Variants in GAREM2 observed in about 807,000 individuals in gnomAD.
GAREM2 encodes GRB2-associated and regulator of MAPK protein 2.
A neutral mutation model predicts 55.6 loss-of-function variants in GAREM2; 30 were observed. The ratio of observed to expected loss-of-function variants is 0.54; its 90% CI spans 0.40 to 0.73. The LOEUF (loss-of-function observed/expected upper bound fraction) is 0.73. Ranked by LOEUF, GAREM2 falls within the 30% of genes least tolerant of loss-of-function variation. GAREM2 has a pLI of 0.00. For synonymous variants in GAREM2, 550 were observed against 569.1 expected (o/e 0.97, Z 0.48); for missense variants, 1,075 against 1,257.7 (o/e 0.85, Z 2.20).
chr2:26,181,130 T>A (rs1234381083), intron 2 of GAREM2: 7 of 985,266 alleles, frequency 7.1e-6, no homozygotes, highest in Non-Finnish European at 8.4e-6. Context: ...GAGCTGAACC[T>A]GGATCATGGT....
the GAREM2 span, among the ~76,000 whole-genome samples, chr2:26,200,311 C>G: frequency 6.6e-6 from 1 of 152,094 alleles, no homozygotes; most frequent in Non-Finnish European, 1.5e-5. Flanking sequence ...CTAGCTTAGG[C>G]CTTGGTCCTA....
intron 1 of GAREM2, 48 bp from the exon 2 acceptor site, chr2:26,176,296 T>C: frequency 6.9e-7 from 1 of 1,455,328 alleles, no homozygotes; most frequent in Non-Finnish European, 9.1e-7. Flanking sequence ...CCCCTTCTAA[T>C]GTCCTGTCTT....
At chr2:26,193,557 GT>G, downstream of GAREM2, 1 of 1,592,716 alleles carries the variant, frequency 6.3e-7, no homozygotes, top group Non-Finnish European at 8.6e-7. Context: ...TGCTAGTTAT[GT>G]TTCCTTGAGG....
intron 2 of GAREM2, among the ~76,000 whole-genome samples, chr2:26,177,743 C>T (rs1267858237): frequency 5.9e-5 from 9 of 152,126 alleles, no homozygotes; most frequent in South Asian, 4.1e-4. Flanking sequence ...TCTCCTGCCT[C>T]GGCCTACCAA....
At chr2:26,193,650 G>A (rs1194144995), downstream of GAREM2, 2 of 1,614,092 alleles carry the variant, frequency 1.2e-6, no homozygotes, top group South Asian at 2.2e-5. Flanking sequence ...CAAAGACTTT[G>A]CCCAGATCTT....
At chr2:26,202,029 G>C in the GAREM2 span, among the ~76,000 whole-genome samples, 1 of 150,362 alleles carries the variant, frequency 6.7e-6, no homozygotes, top group Non-Finnish European at 1.5e-5. Flanking sequence ...TTGAACTCCT[G>C]ACCTCGTGTT....
At chr2:26,174,945 C>A (rs1249535033) in intron 1 of GAREM2, among the ~76,000 whole-genome samples, 1 of 152,072 alleles carries the variant, frequency 6.6e-6, no homozygotes, top group East Asian at 1.9e-4. Flanking sequence ...GAGGAGGGAG[C>A]AGAGTTGGAG....
chr2:26,191,334 A>C (rs774114061), downstream of GAREM2: 1 of 1,614,132 alleles, frequency 6.2e-7, no homozygotes, highest in Non-Finnish European at 8.5e-7. Context: ...AGGCAGCTTC[A>C]TATTTCTTGA....
Position 26,188,943 on chromosome 2 carries a change from T to C in GAREM2, c.*686T>C, listed in dbSNP as rs1047178222. 6.6e-6 allele frequency: 1 copy of C among 152,216 alleles called. No homozygotes were observed. 9.4% of individuals were successfully genotyped at this position (152,216 alleles called of 1,614,324 possible). A position where few individuals can be genotyped will look rare whatever the true frequency, so the allele number is the denominator to read the frequency against. On this transcript the variant is annotated 3_prime_UTR_variant, in exon 6 of 6. Transcript: ENST00000401533. ...CTCTGCAATTGACCCGACCCACTTA[T>C]CTAGTTAGGAAGCCAGACACTGCCC... is the stretch of plus-strand genomic sequence containing the variant.
chr2:26,194,264 T>A (rs1190809169), downstream of GAREM2, among the ~76,000 whole-genome samples: 1 of 152,116 alleles, frequency 6.6e-6, no homozygotes, highest in Non-Finnish European at 1.5e-5. Flanking sequence ...AAGCGGGCCC[T>A]GTTCTGGATG....
chr2:26,184,228 C>T lies in GAREM2; in HGVS notation c.385-5C>T, dbSNP rs1416096267. ...AAGGCCCTGCCCTGTCTCTGGGATCCCCAGGTGGTGTCGGGCGAGTTCAGC... is the reference window on the plus strand; with the variant it reads ...AAGGCCCTGCCCTGTCTCTGGGATCTCCAGGTGGTGTCGGGCGAGTTCAGC... On this transcript the variant is annotated splice_region_variant and splice_polypyrimidine_tract_variant and intron_variant, in intron 3 of 5. Transcript: ENST00000401533. The T allele has an allele frequency of 1.3e-6, 2 of 1,549,432 alleles. No individual in the cohort carries two copies. Among genetic ancestry groups the T allele is most frequent in the African/African-American group, 1.4e-5 (1 of 72,986 alleles).
At chr2:26,185,969 G>A (rs1158185401) in intron 4 of GAREM2, among the ~76,000 whole-genome samples, 3 of 152,192 alleles carry the variant, frequency 2.0e-5, no homozygotes, top group African/African-American at 7.2e-5. Context: ...CAGGAAGGAG[G>A]CTGTGGGACA....
rs1159645212 is a variant in GAREM2 at position 26,179,427 on chromosome 2, C to T, written c.253+2943C>T. Among the ~76,000 whole-genome samples, 3 of 152,218 alleles carry T rather than the reference C, an allele frequency of 2.0e-5. No individual in the cohort carries two copies. The highest frequency in any genetic ancestry group is 7.2e-5 in the African/African-American group (3 of 41,460). On this transcript the variant is annotated intron_variant, in intron 2 of 5. Transcript: ENST00000401533. The surrounding 1 kb of genome is among the most constrained non-coding windows in gnomAD (Gnocchi z 4.7). ...GGGATTCAGCCAGATTTGTCGCACT[C>T]CAAAGCCTGAGCTTTTACCCACGTT... is the stretch of plus-strand genomic sequence containing the variant.
At chr2:26,177,790 C>G (rs974534709) in intron 2 of GAREM2, among the ~76,000 whole-genome samples, 1 of 152,042 alleles carries the variant, frequency 6.6e-6, no homozygotes, top group African/African-American at 2.4e-5. Flanking sequence ...CCACTCTCTG[C>G]TAATTTTTGT....
rs1375842423 is a variant in GAREM2 at position 26,187,342 on chromosome 2, C to T, written c.1710C>T (p.Ala570=). 1 of 1,542,930 alleles carries T rather than the reference C, an allele frequency of 6.5e-7. No homozygotes were observed. The highest frequency in any genetic ancestry group is 2.0e-5 in the Admixed American group (1 of 49,764). ...TGGGCGAGTCCTCTAGCCGCCCAGC[C>T]CCCGGTCCCCTACCCTCAACCACAC... ...CKVGESSSRP[A]PGPLPSTTQP... Residue 570 remains alanine, a synonymous_variant, in exon 6 of 6, where the codon GCC becomes GCT. Coordinates refer to ENST00000401533, the MANE Select transcript of GAREM2 (RefSeq NM_001168241.2).
At position 26,185,251 on chromosome 2, in the gene GAREM2, C is replaced by T; in HGVS notation, c.1403C>T (p.Pro468Leu). The T allele has an allele frequency of 2.0e-6, 3 of 1,521,054 alleles. No individual in the cohort carries two copies. Among genetic ancestry groups the T allele is most frequent in the Non-Finnish European group, 2.6e-6 (3 of 1,141,170 alleles). 94.2% of individuals were successfully genotyped at this position (1,521,054 alleles called of 1,614,324 possible). ...CGTCGGGAGCCGGAAGCGCCGCCGC[C>T]TCCAGTCCCTCCCAAATCCGAGGCG... Reference protein sequence around the residue: ...PPRREPEAPPPPVPPKSEAVK... With the variant: ...PPRREPEAPPLPVPPKSEAVK... The change falls in exon 4 of 6, where the codon CCT becomes CTT. Residue 468 changes from proline (P) to leucine (L), a missense_variant. This residue lies in a region of GAREM2 where 515 missense variants were observed against 501.5 expected (regional missense o/e 1.03). Transcript: ENST00000401533.
Position 26,185,222 on chromosome 2 carries a change from G to A in GAREM2, c.1374G>A (p.Pro458=), listed in dbSNP as rs953572379. 2.6e-6 allele frequency: 4 copies of A among 1,521,106 alleles called. No individual in the cohort carries two copies. Among genetic ancestry groups the A allele is most frequent in the East Asian group, 2.6e-5 (1 of 38,906 alleles). 94.2% of individuals were successfully genotyped at this position (1,521,106 alleles called of 1,614,324 possible). ...LDLISFGAAG[P]PRREPEAPPP... is the part of the protein sequence containing the mutation. ...TCATCTCCTTCGGGGCCGCGGGACC[G>A]CCGCGTCGGGAGCCGGAAGCGCCGC... is the stretch of plus-strand genomic sequence containing the variant. Residue 458 remains proline, a synonymous_variant, in exon 4 of 6, where the codon CCG becomes CCA. Coordinates refer to ENST00000401533, the MANE Select transcript of GAREM2 (RefSeq NM_001168241.2).
At chr2:26,202,272 A>G in the GAREM2 span, among the ~76,000 whole-genome samples, 16 of 152,160 alleles carry the variant, frequency 1.1e-4, no homozygotes, top group African/African-American at 3.6e-4. Context: ...CATTCAACTG[A>G]TTATTTTTCG....
At chr2:26,200,938 C>T in the GAREM2 span, among the ~76,000 whole-genome samples, 1 of 152,016 alleles carries the variant, frequency 6.6e-6, no homozygotes, top group Non-Finnish European at 1.5e-5. Context: ...TTCATCATAT[C>T]GGCCAGTCTG....
Sources: gnomAD v4.1 joint callset for allele counts (sites outside exome capture counted in the v4.1 genomes callset) on GRCh38, gnomAD v4.1.1 for gene constraint, gnomAD v4.1.1 regional missense constraint, Gnocchi (gnomAD v3.1) non-coding constraint, MANE v1.5 for transcripts, NCBI Gene and HGNC (gene_info 2026-07-23, HGNC 2026-07-21) for gene names.